Variants in FRMD1 observed in about 807,000 individuals in gnomAD.
FRMD1 encodes the protein FERM domain-containing protein 1.
Under a neutral mutation model 54.9 loss-of-function variants are expected in FRMD1, and 51 were observed. The ratio of observed to expected loss-of-function variants is 0.93; its 90% CI spans 0.74 to 1.17. FRMD1 has a LOEUF of 1.17. FRMD1 is among the 50% of genes most tolerant of loss of function. FRMD1 has a pLI of 0.00. For missense variants in FRMD1, 729 were observed against 743.0 expected (o/e 0.98, Z 0.22); for synonymous variants, 324 against 306.4 (o/e 1.06, Z -0.60).
At chr6:168,079,229 C>T (rs1275716237), upstream of FRMD1, 5 of 1,415,270 alleles carry the variant, frequency 3.5e-6, no homozygotes, top group Non-Finnish European at 1.8e-6. Context: ...GAAGCCTGGG[C>T]TGGGAATCCA....
At chr6:168,072,705 G>A (rs962777807) in intron 2 of FRMD1, among the ~76,000 whole-genome samples, 3 of 147,790 alleles carry the variant, frequency 2.0e-5, no homozygotes, top group South Asian at 2.2e-4. Flanking sequence ...CCCCGCCCTC[G>A]ATTTGTTTTT....
chr6:168,068,190 T>C (rs1370442813), intron 2 of FRMD1, among the ~76,000 whole-genome samples: 3 of 152,186 alleles, frequency 2.0e-5, no homozygotes, highest in Non-Finnish European at 2.9e-5. Context: ...AAGTCAATGA[T>C]CCCAGCTTTA....
At chr6:168,075,181 C>T (rs760600857) in intron 2 of FRMD1, 64 bp downstream of exon 2, 1 of 1,388,078 alleles carries the variant, frequency 7.2e-7, no homozygotes. Context: ...TGTGCCCACC[C>T]CCTTGACCTC....
At chr6:168,057,714 CG>C (rs1799486855) in intron 10 of FRMD1, 1 of 230,910 alleles carries the variant, frequency 4.3e-6, no homozygotes, top group Non-Finnish European at 8.5e-6. Flanking sequence ...CTATTTTATA[CG>C]GGAGGAAACT....
intron 4 of FRMD1, chr6:168,065,947 G>A (rs1446132420): frequency 3.0e-6 from 3 of 1,000,152 alleles, no homozygotes; most frequent in African/African-American, 3.5e-5. Context: ...CCTGAGGGAC[G>A]TCTTTGTTAC....
chr6:168,074,006 C>T (rs903991318), intron 2 of FRMD1, among the ~76,000 whole-genome samples: 6 of 152,102 alleles, frequency 3.9e-5, no homozygotes, highest in Non-Finnish European at 7.4e-5. Context: ...TAGCCTCCCT[C>T]GGCTTGGCTG....
rs1200850104 is a variant in FRMD1 at position 168,058,313 on chromosome 6, T to C, written c.1407+811A>G. ...CTGTTCTCTCTCTCCATGCAGCCTC[T>C]CGTGCCCAGCCCTGTTCTCTCTCTC... On this transcript the variant is annotated intron_variant, in intron 10 of 10. Transcript: ENST00000283309. Among the ~76,000 whole-genome samples, 33 of 109,348 alleles carry C rather than the reference T, an allele frequency of 3.0e-4. 1 individual carries two copies. The highest frequency in any genetic ancestry group is 5.5e-4 in the East Asian group (2 of 3,624). 71.7% of individuals were successfully genotyped at this position (109,348 alleles called of 152,430 possible). A position where few individuals can be genotyped will look rare whatever the true frequency, so the allele number is the denominator to read the frequency against.
chr6:168,092,566 G>C (rs568521376), intron 1 of FRMD1, among the ~76,000 whole-genome samples: 1 of 151,936 alleles, frequency 6.6e-6, no homozygotes, highest in African/African-American at 2.4e-5. Context: ...CTTTATCAGA[G>C]AGACCCAGAG....
At chr6:168,066,464 C>G (rs1019610147) in intron 4 of FRMD1, 2 of 929,256 alleles carry the variant, frequency 2.2e-6, no homozygotes, top group Admixed American at 9.1e-5. Context: ...TGCCATTGCA[C>G]TCCAGCCTGG....
upstream of FRMD1, among the ~76,000 whole-genome samples, chr6:168,084,053 C>T (rs932757930): frequency 6.6e-6 from 1 of 152,192 alleles, no homozygotes; most frequent in African/African-American, 2.4e-5. Flanking sequence ...GAATAGCCTG[C>T]AGCTTCTAGC....
intron 1 of FRMD1, among the ~76,000 whole-genome samples, chr6:168,091,044 T>C (rs1583216523): frequency 6.6e-6 from 1 of 152,300 alleles, no homozygotes. Flanking sequence ...GGGGAGAAGG[T>C]GCCTGTAAAC....
At position 168,053,116 on chromosome 6, in the gene FRMD1, G is replaced by A. The variant is rs1195039286; in HGVS notation, c.*3981C>T. ...AATATTTGGTGACGGTTTTATTGGT[G>A]AGCTGCCTGTGATTAATAAACAATT... On this transcript the variant is annotated 3_prime_UTR_variant, in exon 11 of 11. Transcript: ENST00000283309. 3 of 152,210 alleles carry A rather than the reference G, an allele frequency of 2.0e-5. No homozygotes were observed. The highest frequency in any genetic ancestry group is 7.2e-5 in the African/African-American group (3 of 41,460). The allele number at this position is 152,210 out of a possible 1,614,324, so 9.4% of individuals were successfully genotyped here.
In FRMD1 at chr6:168,053,748, G is replaced by C. The variant is rs924694106; in HGVS notation, c.*3349C>G. 3 of 152,274 alleles carry C rather than the reference G, an allele frequency of 2.0e-5. No individual in the cohort carries two copies. Among genetic ancestry groups the C allele is most frequent in the African/African-American group, 7.2e-5 (3 of 41,464 alleles). 9.4% of individuals were successfully genotyped at this position (152,274 alleles called of 1,614,324 possible). ...CTCTGGCACATTTCCCCCGCCTGGG[G>C]AACCCAGAGTCCATGGGCCACGACG... On this transcript the variant is annotated 3_prime_UTR_variant, in exon 11 of 11. Transcript: ENST00000283309.
chr6:168,072,364 C>T (rs1259345208), intron 2 of FRMD1, among the ~76,000 whole-genome samples: 2 of 152,240 alleles, frequency 1.3e-5, no homozygotes, highest in South Asian at 2.1e-4. Context: ...CCGGATAGGG[C>T]TGAACTCCCC....
At chr6:168,089,202 C>G (rs1800973823) in intron 1 of FRMD1, among the ~76,000 whole-genome samples, 1 of 152,196 alleles carries the variant, frequency 6.6e-6, no homozygotes, top group Non-Finnish European at 1.5e-5. Flanking sequence ...CCCTGGGGGT[C>G]CCTGGATTTC....
intron 10 of FRMD1, among the ~76,000 whole-genome samples, chr6:168,058,013 C>T (rs895393564): frequency 6.6e-6 from 1 of 152,246 alleles, no homozygotes; most frequent in Non-Finnish European, 1.5e-5. Flanking sequence ...CAGTCCCTGG[C>T]CCAGAGCTCA....
chr6:168,062,538 C>G (rs1352093161), intron 7 of FRMD1: 1 of 928,688 alleles, frequency 1.1e-6, no homozygotes, highest in Admixed American at 2.7e-5. Flanking sequence ...GCCAGGACGG[C>G]CCTGATGCCC....
At chr6:168,091,017 T>C (rs4235913) in intron 1 of FRMD1, among the ~76,000 whole-genome samples, 54,115 of 151,724 alleles carry the variant, frequency 0.36, 10,399 homozygotes, top group African/African-American at 0.52. Flanking sequence ...GGCTCCGCTC[T>C]CTGCCCTGGG....
chr6:168,069,379 C>T (rs1800189055), intron 2 of FRMD1, among the ~76,000 whole-genome samples: 1 of 152,194 alleles, frequency 6.6e-6, no homozygotes, highest in Non-Finnish European at 1.5e-5. Flanking sequence ...TACTATGTGG[C>T]CTTTTACAGA....
Sources: allele counts gnomAD v4.1 joint callset (sites outside exome capture counted in the v4.1 genomes callset), GRCh38; gene constraint gnomAD v4.1.1; transcripts MANE v1.5; gene names NCBI Gene and HGNC (gene_info 2026-07-23, HGNC 2026-07-21).